CCDC39: variants seen among roughly 807,000 people sequenced by gnomAD.
The protein encoded by CCDC39 is coiled-coil domain 39 molecular ruler complex subunit, also known as coiled-coil domain-containing protein 39.
In CCDC39, 113 loss-of-function variants were observed where a neutral mutation model predicts 121.0. The observed-to-expected ratio is 0.93, with a 90% confidence interval of 0.80 to 1.09. The LOEUF (loss-of-function observed/expected upper bound fraction) is 1.09. Ranked by LOEUF, CCDC39 falls within the 50% of genes least tolerant of loss-of-function variation. The pLI is 0.00. For missense variants in CCDC39, 1,063 were observed against 1,074.7 expected (o/e 0.99, Z 0.15); for synonymous variants, 349 against 352.2 (o/e 0.99, Z 0.10).
chr3:180,657,403 G>A (rs1711607827), intron 6 of CCDC39, among the ~76,000 whole-genome samples: 1 of 152,176 alleles, frequency 6.6e-6, no homozygotes, highest in Non-Finnish European at 1.5e-5. Context: ...CCATGGGGTT[G>A]TATGAGAAAA....
At chr3:180,654,399 T>G (rs928725658) in intron 7 of CCDC39, among the ~76,000 whole-genome samples, 1 of 151,596 alleles carries the variant, frequency 6.6e-6, no homozygotes, top group Non-Finnish European at 1.5e-5. Flanking sequence ...TTTTTTGAAT[T>G]TGACACCAAA....
intron 14 of CCDC39, 84 bp downstream of exon 14, chr3:180,631,385 T>A: frequency 7.7e-7 from 1 of 1,306,962 alleles, no homozygotes; most frequent in Non-Finnish European, 1.1e-6. Context: ...ATTGTTGTTT[T>A]TTTATTTAAA....
At chr3:180,674,957 T>G (rs1418483607) in intron 1 of CCDC39, among the ~76,000 whole-genome samples, 4 of 152,198 alleles carry the variant, frequency 2.6e-5, no homozygotes, top group Non-Finnish European at 5.9e-5. Context: ...TTGTTGTATC[T>G]CTGCCAGGCT....
intron 1 of CCDC39, among the ~76,000 whole-genome samples, chr3:180,678,698 G>T (rs1397391181): frequency 6.6e-6 from 1 of 151,686 alleles, no homozygotes; most frequent in Admixed American, 6.6e-5. Context: ...TGTAGTTAGT[G>T]TAAGTTCGTC....
In CCDC39 at chr3:180,621,679, G is replaced by GT. The variant is rs1032645958; in HGVS notation, c.1999-1710_1999-1709insA. 1.1e-3 allele frequency among the ~76,000 whole-genome samples: 163 copies of GT among 152,030 alleles called. 1 individual carries two copies. Among genetic ancestry groups the GT allele is most frequent in the African/African-American group, 3.7e-3 (155 of 41,526 alleles). On this transcript the variant is annotated intron_variant, in intron 14 of 19. Transcript: ENST00000476379. The stretch of plus-strand genomic sequence containing the variant: ...GGTGTACAGATTTTTTTGTCACACA[G>GT]GTAATAAGCATACTTTCCCCAGTGT...
intron 1 of CCDC39, among the ~76,000 whole-genome samples, chr3:180,665,404 G>T (rs1469304209): frequency 6.6e-6 from 1 of 151,996 alleles, no homozygotes; most frequent in Non-Finnish European, 1.5e-5. Context: ...CCAAAGTCAG[G>T]GATATCTCCT....
chr3:180,655,147 A>C lies in CCDC39; in HGVS notation c.739-194T>G, dbSNP rs141466181. ...TACATATTAATGTCTATAAATTCAT[A>C]TTGTTAAATGTCTCTGTTTTCTTTC... On this transcript the variant is annotated intron_variant, in intron 6 of 19. Transcript: ENST00000476379. 3.3e-4 allele frequency among the ~76,000 whole-genome samples: 50 copies of C among 152,226 alleles called. No individual in the cohort carries two copies. In the East Asian group the frequency reaches 8.9e-3, roughly 27 times the overall value.
At chr3:180,617,521 AT>A in intron 16 of CCDC39, 1 of 652,762 alleles carries the variant, frequency 1.5e-6, no homozygotes, top group Non-Finnish European at 2.8e-6. Context: ...GTGGGACAAG[AT>A]ATGGAGGTGG....
chr3:180,631,571 T>C lies in CCDC39; in HGVS notation c.1896A>G (p.Leu632=), dbSNP rs79353057. The C allele has an allele frequency of 1.4e-4, 226 of 1,608,274 alleles. No individual in the cohort carries two copies. In the East Asian group the frequency reaches 4.6e-3, roughly 33 times the overall value. ...TATTCTTCAGCTTCTCAATTTTACT[T>C]AGCCGCTCGCGAAACTCAGTGCTAA... ...ENISTEFRER[L]SKIEKLKNRY... is the part of the protein sequence containing the mutation. The change falls in exon 14 of 20, where the codon CTA becomes CTG. Residue 632 remains leucine (L), a synonymous_variant. Coordinates refer to ENST00000476379, the MANE Select transcript of CCDC39 (RefSeq NM_181426.2).
chr3:180,647,811 G>A (rs1327160658), intron 10 of CCDC39, among the ~76,000 whole-genome samples: 3 of 151,672 alleles, frequency 2.0e-5, no homozygotes, highest in African/African-American at 4.8e-5. Flanking sequence ...ATTAGCATGG[G>A]GGTGAGGGTG....
rs563852276 is a variant in CCDC39, at chr3:180,679,480, G to C, written c.-100C>G. 49 of 1,118,004 alleles carry C rather than the reference G, an allele frequency of 4.4e-5. No homozygotes were observed. The African/African-American group carries it at 7.2e-4, about 16-fold the overall frequency. The allele number at this position is 1,118,004 out of a possible 1,614,324, so 69.3% of individuals were successfully genotyped here. On this transcript the variant is annotated 5_prime_UTR_variant, in exon 1 of 20. Transcript: ENST00000476379. This position sits in a 1 kb window ranked among gnomAD's most constrained non-coding sequence, Gnocchi z 4.0. ...AGCCCAGGCACCTGCACAGTGCCGC[G>C]GCAATTGCCGGGGGAGCCCTAGCAA...
chr3:180,674,581 T>G (rs1298902973), intron 1 of CCDC39, among the ~76,000 whole-genome samples: 1 of 152,180 alleles, frequency 6.6e-6, no homozygotes, highest in Non-Finnish European at 1.5e-5. Context: ...ATGCTTCCAG[T>G]TTTTGCCCAT....
In CCDC39 at chr3:180,639,773, T is replaced by C. The variant is rs551252969; in HGVS notation, c.1874+2220A>G. Among the ~76,000 whole-genome samples, 10 of 152,136 alleles carry C rather than the reference T, an allele frequency of 6.6e-5. No homozygotes were observed. The South Asian group carries it at 2.1e-3, about 32-fold the overall frequency. ...TAAAAACCACCTGTTTCTCAAAAAT[T>C]ATTGAAATAAAATTTTAGAAAAAAA... On this transcript the variant is annotated intron_variant, in intron 13 of 19. Transcript: ENST00000476379.
At chr3:180,630,432 T>G (rs1717665846) in intron 14 of CCDC39, among the ~76,000 whole-genome samples, 1 of 152,058 alleles carries the variant, frequency 6.6e-6, no homozygotes, top group South Asian at 2.1e-4. Context: ...TAGGGGCAGA[T>G]TTGAAGAAGA....
At chr3:180,635,860 ATTATCT>A (rs1422647472) in intron 13 of CCDC39, among the ~76,000 whole-genome samples, 6 of 152,228 alleles carry the variant, frequency 3.9e-5, no homozygotes, top group Non-Finnish European at 7.3e-5. Context: ...AAATAACATG[ATTATCT>A]TAATAGATCT....
intron 1 of CCDC39, among the ~76,000 whole-genome samples, chr3:180,673,907 T>C (rs1344638029): frequency 4.0e-5 from 6 of 151,848 alleles, no homozygotes; most frequent in Middle Eastern, 3.4e-3. Flanking sequence ...TGCAAGGAAG[T>C]AGACTGGCAA....
At chr3:180,628,245 C>CT (rs1391138667) in intron 14 of CCDC39, among the ~76,000 whole-genome samples, 1 of 152,196 alleles carries the variant, frequency 6.6e-6, no homozygotes, top group Non-Finnish European at 1.5e-5. Context: ...GAGTCTCACT[C>CT]TGTCGCCCAG....
intron 1 of CCDC39, among the ~76,000 whole-genome samples, chr3:180,670,531 C>T (rs1430196564): frequency 1.3e-5 from 2 of 151,824 alleles, no homozygotes; most frequent in Admixed American, 6.6e-5. Context: ...GAGGTCCACA[C>T]TTTTACTAGT....
At chr3:180,640,566 T>C (rs1717931884) in intron 13 of CCDC39, among the ~76,000 whole-genome samples, 1 of 151,898 alleles carries the variant, frequency 6.6e-6, no homozygotes, top group Admixed American at 6.6e-5. Context: ...CCCAAAAGAA[T>C]GCACAAATAA....
Sources: allele counts gnomAD v4.1 joint callset (sites outside exome capture counted in the v4.1 genomes callset), GRCh38; gene constraint gnomAD v4.1.1; non-coding constraint Gnocchi (gnomAD v3.1); transcripts MANE v1.5; gene names NCBI Gene and HGNC (gene_info 2026-07-23, HGNC 2026-07-21).